Variants in SNCAIP observed in about 807,000 individuals in gnomAD.
SNCAIP encodes synuclein alpha interacting protein.
Under a neutral mutation model 86.7 loss-of-function variants are expected in SNCAIP, and 43 were observed. The ratio of observed to expected loss-of-function variants is 0.50; its 90% CI spans 0.39 to 0.64. The LOEUF (loss-of-function observed/expected upper bound fraction) is 0.64, where lower values mean the gene tolerates loss of function less well. Among genes scored for constraint, SNCAIP ranks in the 30% least tolerant of loss-of-function variants. The pLI is 0.00. For synonymous variants in SNCAIP, 417 were observed against 427.2 expected (o/e 0.98, Z 0.29); for missense variants, 981 against 1,103.1 (o/e 0.89, Z 1.57).
At chr5:122,382,858 G>A (rs1429505832) in intron 1 of SNCAIP, among the ~76,000 whole-genome samples, 1 of 152,254 alleles carries the variant, frequency 6.6e-6, no homozygotes, top group African/African-American at 2.4e-5. Context: ...CTGCTCGGGG[G>A]TCAGGGGTCA....
chr5:122,351,536 CAAAAAAAAAAAAAAAA>C (rs541191012), intron 1 of SNCAIP, among the ~76,000 whole-genome samples: 4 of 36,514 alleles, frequency 1.1e-4, no homozygotes, highest in Admixed American at 5.0e-4. Flanking sequence ...GACTCTGTAT[CAAAAAAAAAAAAAAAA>C]AAAAAAAAAA....
At chr5:122,453,141 G>C in intron 10 of SNCAIP, 1 of 567,616 alleles carries the variant, frequency 1.8e-6, no homozygotes, top group Non-Finnish European at 3.2e-6. Flanking sequence ...CCAAGTAGAA[G>C]CAGGCACTGA....
intron 5 of SNCAIP, among the ~76,000 whole-genome samples, chr5:122,426,728 A>G (rs1339566106): frequency 6.6e-6 from 1 of 152,200 alleles, no homozygotes; most frequent in Non-Finnish European, 1.5e-5. Context: ...AAAGATAAAT[A>G]GAACTAAACT....
intron 1 of SNCAIP, chr5:122,389,159 G>T (rs1477405308): frequency 2.6e-5 from 4 of 152,152 alleles, no homozygotes; most frequent in Non-Finnish European, 5.9e-5. Context: ...GGGTGCAATG[G>T]TTATTTGTTA....
intron 2 of SNCAIP, chr5:122,400,842 T>G (rs753319191): frequency 2.7e-5 from 22 of 816,166 alleles, no homozygotes; most frequent in African/African-American, 3.6e-5. Context: ...GGAAAAGAAG[T>G]CTGGAAAACA....
At chr5:122,351,769 G>T (rs1454387797) in intron 1 of SNCAIP, among the ~76,000 whole-genome samples, 1 of 152,060 alleles carries the variant, frequency 6.6e-6, no homozygotes, top group African/African-American at 2.4e-5. Context: ...ATCGGGGAAG[G>T]CTGGCTGCTT....
intron 2 of SNCAIP, among the ~76,000 whole-genome samples, chr5:122,400,194 G>C (rs1183966524): frequency 6.6e-6 from 1 of 152,084 alleles, no homozygotes; most frequent in East Asian, 1.9e-4. Context: ...AATCAGAAGA[G>C]AAGTAGACAA....
intron 1 of SNCAIP, among the ~76,000 whole-genome samples, chr5:122,344,748 A>G (rs753208998): frequency 2.0e-5 from 3 of 152,286 alleles, no homozygotes; most frequent in South Asian, 4.1e-4. Context: ...AGTAAGTAAC[A>G]ATTTATCCAT....
chr5:122,444,834 C>G, intron 8 of SNCAIP, 102 bp downstream of exon 8: 2 of 987,852 alleles, frequency 2.0e-6, no homozygotes, highest in Admixed American at 1.8e-5. Flanking sequence ...TCCAGTTGTA[C>G]AGGGAATTCC....
chr5:122,390,653 C>T (rs1197319169), intron 1 of SNCAIP, among the ~76,000 whole-genome samples: 1 of 152,128 alleles, frequency 6.6e-6, no homozygotes, highest in African/African-American at 2.4e-5. Flanking sequence ...ATTCATTGCT[C>T]CATGTACAAC....
chr5:122,357,080 C>CT (rs1321040985), intron 1 of SNCAIP, among the ~76,000 whole-genome samples: 1 of 152,148 alleles, frequency 6.6e-6, no homozygotes, highest in Non-Finnish European at 1.5e-5. Flanking sequence ...GTCTGCTGGC[C>CT]TTCCTGTCTT....
At chr5:122,313,920 A>T (rs1345045626) in intron 1 of SNCAIP, among the ~76,000 whole-genome samples, 1 of 152,216 alleles carries the variant, frequency 6.6e-6, no homozygotes, top group African/African-American at 2.4e-5. Context: ...AAAATATAGC[A>T]TGGGATTTTG....
chr5:122,452,919 C>T, intron 10 of SNCAIP: 1 of 1,541,282 alleles, frequency 6.5e-7, no homozygotes, highest in Middle Eastern at 1.7e-4. Flanking sequence ...AATTGCACCT[C>T]TCTAGGAAAT....
At chr5:122,359,279 G>A (rs890176648) in intron 1 of SNCAIP, among the ~76,000 whole-genome samples, 9 of 151,804 alleles carry the variant, frequency 5.9e-5, no homozygotes, top group African/African-American at 1.9e-4. Flanking sequence ...TAATGTCATA[G>A]TATTTACATT....
At chr5:122,422,416 G>A (rs980730617) in intron 3 of SNCAIP, among the ~76,000 whole-genome samples, 1 of 152,136 alleles carries the variant, frequency 6.6e-6, no homozygotes, top group East Asian at 1.9e-4. Context: ...TGCATTAGGG[G>A]TGTATGTGGA....
intron 3 of SNCAIP, among the ~76,000 whole-genome samples, chr5:122,412,486 C>G (rs571539103): frequency 6.6e-6 from 1 of 152,106 alleles, no homozygotes; most frequent in African/African-American, 2.4e-5. Flanking sequence ...GTGAGACCAC[C>G]TCTCTCCTCA....
intron 7 of SNCAIP, among the ~76,000 whole-genome samples, chr5:122,443,873 T>TC (rs895842488): frequency 5.9e-5 from 9 of 152,060 alleles, no homozygotes; most frequent in Non-Finnish European, 1.0e-4. Flanking sequence ...CTTCCCCTCC[T>TC]CCCCCATACA....
chr5:122,459,857 C>T (rs1013627197), intron 10 of SNCAIP, among the ~76,000 whole-genome samples: 2 of 152,094 alleles, frequency 1.3e-5, no homozygotes, highest in South Asian at 4.2e-4. Flanking sequence ...CAAACCCACC[C>T]CCTTCCCTAG....
chr5:122,396,241 G>A (rs1353685842), intron 2 of SNCAIP, among the ~76,000 whole-genome samples: 4 of 152,046 alleles, frequency 2.6e-5, no homozygotes, highest in Non-Finnish European at 5.9e-5. Flanking sequence ...TACCTGCCAG[G>A]AAATGAATTA....
Sources: gnomAD v4.1 joint callset for allele counts (sites outside exome capture counted in the v4.1 genomes callset) on GRCh38, gnomAD v4.1.1 for gene constraint, MANE v1.5 for transcripts, NCBI Gene and HGNC (gene_info 2026-07-23, HGNC 2026-07-21) for gene names.